The following EVI2B variants were observed in gnomAD, a reference collection of about 807,000 sequenced individuals.
EVI2B encodes ecotropic viral integration site 2B, also known as protein EVI2B.
EVI2B carries 4 observed loss-of-function variants against 6.6 expected under a neutral mutation model. The ratio of observed to expected loss-of-function variants is 0.61; its 90% CI spans 0.30 to 1.39. The LOEUF (loss-of-function observed/expected upper bound fraction) is 1.39. Ranked by LOEUF, EVI2B falls within the 40% of genes most tolerant of loss-of-function variation. The pLI is 0.08. For missense variants in EVI2B, 484 were observed against 516.6 expected (o/e 0.94, Z 0.61); for synonymous variants, 181 against 186.8 (o/e 0.97, Z 0.25).
At chr17:31,309,418 A>G (rs1401097298) in intron 1 of EVI2B, among the ~76,000 whole-genome samples, 1 of 152,182 alleles carries the variant, frequency 6.6e-6, no homozygotes, top group Non-Finnish European at 1.5e-5. Context: ...GGAAAATTTG[A>G]ACACTTTTGG....
At position 31,305,506 on chromosome 17, in the gene EVI2B, G is replaced by A. The variant is rs755399921; in HGVS notation, c.104C>T (p.Thr35Ile). 2.5e-6 allele frequency: 4 copies of A among 1,614,202 alleles called. No individual in the cohort carries two copies. Among genetic ancestry groups the A allele is most frequent in the Non-Finnish European group, 3.4e-6 (4 of 1,180,030 alleles). Residue 35 changes from threonine to isoleucine, a missense_variant, in exon 2 of 2, where the codon ACC becomes ATC. Thr to Ile is a moderately conservative substitution (Grantham distance 89, BLOSUM62 -1). Transcript: ENST00000330927. Reference sequence around the variant, plus strand: ...CTGTGACATTGATGATGTGAATAAGGTAGGCTGTGACTGCTTCTCTGTTGT... The same window carrying A: ...CTGTGACATTGATGATGTGAATAAGATAGGCTGTGACTGCTTCTCTGTTGT... Reference protein sequence around the residue: ...TITTEKQSQPTLFTSSMSQVL... With the variant: ...TITTEKQSQPILFTSSMSQVL...
rs777011357 is a variant in EVI2B, at chr17:31,305,063, C to T, written c.547G>A (p.Gly183Arg). The change falls in exon 2 of 2, where the codon GGA becomes AGA. Residue 183 changes from glycine (G) to arginine (R), a missense_variant. Physicochemically the swap from Gly to Arg is moderately radical, Grantham distance 125 (BLOSUM62 -2). Transcript: ENST00000330927. ...TVKNSPRSTP[G>R]FILDTTSNKQ... ...TTACTGGTAGTATCTAAGATAAATC[C>T]TGGTGTACTCCTAGGTGAATTTTTG... 6.2e-7 allele frequency: 1 copy of T among 1,614,052 alleles called. No individual in the cohort carries two copies. Among genetic ancestry groups the T allele is most frequent in the South Asian group, 1.1e-5 (1 of 91,080 alleles).
chr17:31,304,171 T>G lies in EVI2B; in HGVS notation c.*92A>C. 7.9e-7 allele frequency: 1 copy of G among 1,266,222 alleles called. No homozygotes were observed. 78.4% of individuals were successfully genotyped at this position (1,266,222 alleles called of 1,614,324 possible). On this transcript the variant is annotated 3_prime_UTR_variant, in exon 2 of 2. Coordinates refer to ENST00000330927, the MANE Select transcript of EVI2B (RefSeq NM_006495.4). ...ATAGTTCCTGAATAAAAATCAAAAT[T>G]GACTATCAGTTGCCATTTTATATAT...
chr17:31,313,387 T>C lies in EVI2B; in HGVS notation c.-22+592A>G, dbSNP rs192565170. Among the ~76,000 whole-genome samples the C allele has an allele frequency of 2.1e-3, 325 of 152,274 alleles. 4 individuals are homozygous for C. Among genetic ancestry groups the C allele is most frequent in the Non-Finnish European group, 9.1e-4 (62 of 68,002 alleles). On this transcript the variant is annotated intron_variant, in intron 1 of 1. Coordinates refer to ENST00000330927, the MANE Select transcript of EVI2B (RefSeq NM_006495.4). ...TATCTGCCATGGCTATAGTTTCTTT[T>C]TAATTCTAAAACTAAGGTTAACAAA... is the stretch of plus-strand genomic sequence containing the variant.
At chr17:31,306,193 A>G (rs527544431) in intron 1 of EVI2B, among the ~76,000 whole-genome samples, 3 of 151,916 alleles carry the variant, frequency 2.0e-5, no homozygotes, top group Non-Finnish European at 2.9e-5. Flanking sequence ...TGTTACTCTC[A>G]CTAGCTCTTT....
intron 1 of EVI2B, among the ~76,000 whole-genome samples, chr17:31,305,961 A>T (rs962317376): frequency 7.9e-5 from 12 of 152,050 alleles, no homozygotes; most frequent in African/African-American, 2.9e-4. Flanking sequence ...ACTTCTCAAA[A>T]CGCATAGGCT....
chr17:31,310,890 T>C (rs2068855197), intron 1 of EVI2B, among the ~76,000 whole-genome samples: 2 of 152,112 alleles, frequency 1.3e-5, no homozygotes, highest in African/African-American at 4.8e-5. Context: ...AATTTAAACA[T>C]TTTAAAGACA....
chr17:31,304,809 T>C lies in EVI2B; in HGVS notation c.801A>G (p.Thr267=). The change falls in exon 2 of 2, where the codon ACA becomes ACG. Residue 267 remains threonine, a synonymous_variant. Coordinates refer to ENST00000330927, the MANE Select transcript of EVI2B (RefSeq NM_006495.4). ...IRENEISTKR[T]SIISLTPWKP... ...TCCAGGGTGTAAGTGAAATGATTGATGTACGTTTTGTGGATATTTCATTTT... is the reference window on the plus strand; with the variant it reads ...TCCAGGGTGTAAGTGAAATGATTGACGTACGTTTTGTGGATATTTCATTTT... 1 of 1,614,060 alleles carries C rather than the reference T, an allele frequency of 6.2e-7. No homozygotes were observed. The highest frequency in any genetic ancestry group is 8.5e-7 in the Non-Finnish European group (1 of 1,180,016).
At chr17:31,308,271 G>T (rs543280675) in intron 1 of EVI2B, among the ~76,000 whole-genome samples, 99 of 152,002 alleles carry the variant, frequency 6.5e-4, no homozygotes, top group African/African-American at 2.3e-3. Context: ...CCGAGTAGCT[G>T]GGACTACAGT....
Position 31,304,843 on chromosome 17 carries a change from T to G in EVI2B, c.767A>C (p.Asn256Thr). 1 of 1,614,058 alleles carries G rather than the reference T, an allele frequency of 6.2e-7. No individual in the cohort carries two copies. Among genetic ancestry groups the G allele is most frequent in the Non-Finnish European group, 8.5e-7 (1 of 1,180,016 alleles). ...TGTGGATATTTCATTTTCTCTGATGTTATCCATACAAATGTCAGGGGTTTC... is the reference window on the plus strand; with the variant it reads ...TGTGGATATTTCATTTTCTCTGATGGTATCCATACAAATGTCAGGGGTTTC... ...DGETPDICMD[N>T]IRENEISTKR... Residue 256 changes from asparagine to threonine, a missense_variant, in exon 2 of 2, where the codon AAC (asparagine) becomes ACC (threonine). Transcript: ENST00000330927.
rs1468905074 is a variant in EVI2B at position 31,305,185 on chromosome 17, A to G, written c.425T>C (p.Phe142Ser). ...TGATTGTTGAGTAAAAGTATAGACA[A>G]ATGACTTTGGTGGTTGTGTGGTAGA... The part of the protein sequence containing the change: ...RTSTTQPPKS[F>S]VYTFTQQSSS... Residue 142 changes from phenylalanine to serine, a missense_variant, in exon 2 of 2, where the codon TTT becomes TCT. Physicochemically the swap from Phe to Ser is radical, Grantham distance 155 (BLOSUM62 -2). Transcript: ENST00000330927. The G allele has an allele frequency of 3.1e-6, 5 of 1,613,958 alleles. No individual in the cohort carries two copies. In the African/African-American group the frequency reaches 4.0e-5, roughly 13 times the overall value.
intron 1 of EVI2B, among the ~76,000 whole-genome samples, chr17:31,311,618 C>A (rs2068878663): frequency 6.6e-6 from 1 of 152,126 alleles, no homozygotes; most frequent in Non-Finnish European, 1.5e-5. Context: ...TGATAGTGAC[C>A]ATTTACTGAG....
intron 1 of EVI2B, among the ~76,000 whole-genome samples, chr17:31,312,002 G>A (rs1316704981): frequency 6.6e-6 from 1 of 152,050 alleles, no homozygotes; most frequent in African/African-American, 2.4e-5. Context: ...TAAGAATTTG[G>A]AATGGTTTCT....
chr17:31,305,752 A>T, intron 1 of EVI2B, 122 bp from the exon 2 acceptor site: 1 of 794,904 alleles, frequency 1.3e-6, no homozygotes, highest in East Asian at 2.7e-5. Context: ...AATTAGTAGT[A>T]GTTGATTAGT....
At chr17:31,313,793 T>C (rs1189812637) in intron 1 of EVI2B, among the ~76,000 whole-genome samples, 186 bp downstream of exon 1, 1 of 151,136 alleles carries the variant, frequency 6.6e-6, no homozygotes, top group Non-Finnish European at 1.5e-5. Context: ...TATACAAACC[T>C]AGGTGAAAAT....
intron 1 of EVI2B, among the ~76,000 whole-genome samples, chr17:31,310,475 A>G (rs970664940): frequency 1.3e-5 from 2 of 152,170 alleles, no homozygotes; most frequent in African/African-American, 4.8e-5. Flanking sequence ...CAACGGCAAA[A>G]TGCTGCTCTG....
Position 31,305,178 on chromosome 17 carries a change from A to G in EVI2B, c.432T>C (p.Tyr144=). Residue 144 remains tyrosine, a synonymous_variant, in exon 2 of 2, where the codon TAT becomes TAC. Transcript: ENST00000330927. ...STTQPPKSFV[Y]TFTQQSSSVQ... is the part of the protein sequence containing the mutation. Reference sequence around the variant, plus strand: ...CAGATGATGATTGTTGAGTAAAAGTATAGACAAATGACTTTGGTGGTTGTG... The same window carrying G: ...CAGATGATGATTGTTGAGTAAAAGTGTAGACAAATGACTTTGGTGGTTGTG... 6.2e-7 allele frequency: 1 copy of G among 1,614,174 alleles called. No homozygotes were observed.
intron 1 of EVI2B, among the ~76,000 whole-genome samples, chr17:31,307,221 C>A (rs141282392): frequency 6.6e-6 from 1 of 151,692 alleles, no homozygotes. Context: ...GGGGTTTCAC[C>A]GTGTTGGCCA....
rs1420616359 is a variant in EVI2B at position 31,305,353 on chromosome 17, T to C, written c.257A>G (p.Tyr86Cys). ...TGCTTCTGGTTTTTCAGAAGAGGTA[T>C]AGACAGCTGGTGTTGGTTGTCCAGC... ...VTAGQPTPAV[Y>C]TSSEKPEAHT... The change falls in exon 2 of 2, where the codon TAT becomes TGT. Residue 86 changes from tyrosine to cysteine, a missense_variant. Physicochemically the swap from Tyr to Cys is radical, Grantham distance 194. Coordinates refer to ENST00000330927, the MANE Select transcript of EVI2B (RefSeq NM_006495.4). 6.2e-7 allele frequency: 1 copy of C among 1,614,020 alleles called. No individual in the cohort carries two copies. The highest frequency in any genetic ancestry group is 1.3e-5 in the African/African-American group (1 of 74,902).
Sources: gnomAD v4.1 joint callset for allele counts (sites outside exome capture counted in the v4.1 genomes callset) on GRCh38, gnomAD v4.1.1 for gene constraint, MANE v1.5 for transcripts, NCBI Gene and HGNC (gene_info 2026-07-23, HGNC 2026-07-21) for gene names.